The following MARCHF1 variants were observed in gnomAD, a reference collection of about 807,000 sequenced individuals.
MARCHF1 encodes the protein membrane associated ring-CH-type finger 1, also known as E3 ubiquitin-protein ligase MARCHF1.
MARCHF1 carries 40 observed loss-of-function variants against 54.2 expected under a neutral mutation model. The ratio of observed to expected loss-of-function variants is 0.74; its 90% CI spans 0.57 to 0.96. MARCHF1 has a LOEUF of 0.96. MARCHF1 is among the 40% of genes least tolerant of loss of function. The pLI, the probability that MARCHF1 is intolerant of heterozygous loss-of-function variation, is 0.00. For missense variants in MARCHF1, 586 were observed against 656.5 expected, an observed-to-expected ratio of 0.89 and a Z score of 1.17; for synonymous variants, 236 against 236.3, an observed-to-expected ratio of 1.00 and a Z score of 0.01.
chr4:163,684,285 T>C (rs1410980633), intron 5 of MARCHF1, among the ~76,000 whole-genome samples: 1 of 152,126 alleles, frequency 6.6e-6, no homozygotes, highest in East Asian at 1.9e-4. Flanking sequence ...GTGTAGCAAG[T>C]AAAAGGAGCT....
intron 1 of MARCHF1, among the ~76,000 whole-genome samples, chr4:164,275,525 T>G (rs1207037495): frequency 1.3e-5 from 2 of 152,244 alleles, no homozygotes; most frequent in African/African-American, 4.8e-5. Context: ...AAACAACGTT[T>G]GGATAATTTT....
At chr4:163,888,758 C>T (rs935221029) in intron 3 of MARCHF1, among the ~76,000 whole-genome samples, 1 of 152,102 alleles carries the variant, frequency 6.6e-6, no homozygotes, top group African/African-American at 2.4e-5. Flanking sequence ...ATCAAGACAA[C>T]CCCTCTGAAG....
chr4:163,661,823 T>C (rs986455291), intron 5 of MARCHF1, among the ~76,000 whole-genome samples: 1 of 152,074 alleles, frequency 6.6e-6, no homozygotes, highest in Non-Finnish European at 1.5e-5. Context: ...TACTTAATAC[T>C]ACAGATTAGT....
At chr4:164,162,144 GAC>G (rs1335447212) in intron 1 of MARCHF1, among the ~76,000 whole-genome samples, 1 of 152,044 alleles carries the variant, frequency 6.6e-6, no homozygotes, top group African/African-American at 2.4e-5. Flanking sequence ...TATGTTTAAA[GAC>G]ACAAAATAAG....
intron 1 of MARCHF1, among the ~76,000 whole-genome samples, chr4:164,331,511 T>C (rs1481391159): frequency 6.6e-6 from 1 of 152,216 alleles, no homozygotes; most frequent in Non-Finnish European, 1.5e-5. Flanking sequence ...TGTATGCATA[T>C]ATGCATGTAC....
At chr4:163,796,221 G>GTTGTTT (rs1554014060) in intron 4 of MARCHF1, among the ~76,000 whole-genome samples, 8 of 82,236 alleles carry the variant, frequency 9.7e-5, no homozygotes, top group Non-Finnish European at 1.7e-4. Flanking sequence ...GAAACTTCTA[G>GTTGTTT]TTTTTTTTTT....
chr4:163,761,870 T>G (rs1746836383), intron 4 of MARCHF1, among the ~76,000 whole-genome samples: 1 of 152,228 alleles, frequency 6.6e-6, no homozygotes, highest in Non-Finnish European at 1.5e-5. Flanking sequence ...ATGTATTTGT[T>G]TACTGAAATA....
intron 7 of MARCHF1, among the ~76,000 whole-genome samples, chr4:163,587,312 A>T (rs1740441931): frequency 6.6e-6 from 1 of 152,202 alleles, no homozygotes; most frequent in Admixed American, 6.6e-5. Context: ...TTAAATATAT[A>T]CACTCATATG....
intron 2 of MARCHF1, among the ~76,000 whole-genome samples, chr4:163,990,865 C>G (rs1411479582): frequency 1.3e-5 from 2 of 152,074 alleles, no homozygotes; most frequent in Non-Finnish European, 2.9e-5. Context: ...CTCTGAAAAG[C>G]CAAGGCAGCT....
At chr4:164,227,862 A>G (rs555994136) in intron 1 of MARCHF1, among the ~76,000 whole-genome samples, 1 of 152,328 alleles carries the variant, frequency 6.6e-6, no homozygotes, top group Admixed American at 6.5e-5. Context: ...ACATGGGGGA[A>G]GCACTGTAAT....
chr4:163,849,359 AC>A (rs1749579215), intron 4 of MARCHF1, among the ~76,000 whole-genome samples: 1 of 39,076 alleles, frequency 2.6e-5, no homozygotes. Context: ...ATAATCAGCC[AC>A]CATCATTATT....
intron 2 of MARCHF1, among the ~76,000 whole-genome samples, chr4:164,106,774 A>AT (rs1433732965): frequency 6.7e-6 from 1 of 148,648 alleles, no homozygotes; most frequent in Admixed American, 6.7e-5. Context: ...AATAAAAATA[A>AT]AAAATAAAAA....
chr4:163,888,863 G>T (rs1035368120), intron 3 of MARCHF1, among the ~76,000 whole-genome samples: 1 of 152,110 alleles, frequency 6.6e-6, no homozygotes, highest in Non-Finnish European at 1.5e-5. Context: ...CTGTTTTGCT[G>T]TTGTTCCTTA....
rs138151202 is a variant in MARCHF1, at chr4:163,704,150, A to C, written c.112-3287T>G. On this transcript the variant is annotated intron_variant, in intron 4 of 9. Coordinates refer to ENST00000514618, the MANE Select transcript of MARCHF1 (RefSeq NM_001394959.1). ...AAAATAAATATTTCTGCAAAAAAAAACACACTAAGACATTCTTACAGAGAC... is the reference window on the plus strand; with the variant it reads ...AAAATAAATATTTCTGCAAAAAAAACCACACTAAGACATTCTTACAGAGAC... Among the ~76,000 whole-genome samples, 1,061 of 151,926 alleles carry C rather than the reference A, an allele frequency of 7.0e-3. 6 individuals carry two copies. Among genetic ancestry groups the C allele is most frequent in the African/African-American group, 0.024 (1,009 of 41,506 alleles).
chr4:164,046,883 A>G (rs1358280172), intron 2 of MARCHF1, among the ~76,000 whole-genome samples: 1 of 152,194 alleles, frequency 6.6e-6, no homozygotes, highest in African/African-American at 2.4e-5. Context: ...AGAAAGGAAT[A>G]ACATAGTGGA....
chr4:163,566,983 G>T (rs931811003), intron 8 of MARCHF1, among the ~76,000 whole-genome samples: 1 of 152,092 alleles, frequency 6.6e-6, no homozygotes, highest in Non-Finnish European at 1.5e-5. Context: ...AACACACCTT[G>T]CATGCAAACT....
chr4:164,210,608 A>G (rs1731737029), intron 1 of MARCHF1, among the ~76,000 whole-genome samples: 1 of 152,096 alleles, frequency 6.6e-6, no homozygotes, highest in Non-Finnish European at 1.5e-5. Context: ...ATAGTGTTTC[A>G]TGTTATGTTA....
intron 1 of MARCHF1, among the ~76,000 whole-genome samples, chr4:164,185,947 G>T (rs888987215): frequency 6.6e-6 from 1 of 152,180 alleles, no homozygotes; most frequent in African/African-American, 2.4e-5. Flanking sequence ...AGGCTGGAGT[G>T]CAGTGGCGTG....
chr4:163,777,937 C>T (rs191989744), intron 4 of MARCHF1, among the ~76,000 whole-genome samples: 207 of 152,246 alleles, frequency 1.4e-3, no homozygotes, highest in Middle Eastern at 6.8e-3. Context: ...CTGCCTACAC[C>T]GCCAAATTAG....
Sources: gnomAD v4.1 joint callset for allele counts (sites outside exome capture counted in the v4.1 genomes callset) on GRCh38, gnomAD v4.1.1 for gene constraint, MANE v1.5 for transcripts, NCBI Gene and HGNC (gene_info 2026-07-23, HGNC 2026-07-21) for gene names.